GRIK2: variants seen among roughly 807,000 people sequenced by gnomAD.
GRIK2 encodes the protein glutamate ionotropic receptor kainate type subunit 2, also known as glutamate receptor ionotropic, kainate 2.
In GRIK2, 32 loss-of-function variants were observed where a neutral mutation model predicts 100.3. The ratio of observed to expected loss-of-function variants is 0.32; its 90% CI spans 0.24 to 0.43. The LOEUF (loss-of-function observed/expected upper bound fraction) is 0.43. GRIK2 is among the 20% of genes least tolerant of loss of function. The pLI is 1.00. For synonymous variants in GRIK2, 417 were observed against 389.4 expected (o/e 1.07, Z -0.83); for missense variants, 843 against 1,114.9 (o/e 0.76, Z 3.47).
Position 101,898,943 on chromosome 6 carries a change from C to T in GRIK2, c.1748+9080C>T, listed in dbSNP as rs550588171. Among the ~76,000 whole-genome samples the T allele has an allele frequency of 1.8e-3, 266 of 151,936 alleles. 1 individual carries two copies. Among genetic ancestry groups the T allele is most frequent in the South Asian group, 0.011 (55 of 4,818 alleles). On this transcript the variant is annotated intron_variant, in intron 12 of 16. Transcript: ENST00000369134. ...TGAGTAGGAGATATAGTGTCATCAA[C>T]CAGTGTAACTTCATTCATTAGAGCA...
chr6:101,971,651 T>G (rs539861223), intron 14 of GRIK2, among the ~76,000 whole-genome samples: 2 of 152,134 alleles, frequency 1.3e-5, no homozygotes, highest in East Asian at 1.9e-4. Flanking sequence ...TAGATACAAA[T>G]AGTTTTAATT....
intron 9 of GRIK2, among the ~76,000 whole-genome samples, chr6:101,817,679 T>G (rs1345510051): frequency 6.6e-6 from 1 of 152,220 alleles, no homozygotes; most frequent in African/African-American, 2.4e-5. Context: ...GAATACAAAA[T>G]GTCTAAACAC....
intron 7 of GRIK2, among the ~76,000 whole-genome samples, chr6:101,733,154 C>T (rs1775396664): frequency 6.6e-6 from 1 of 152,078 alleles, no homozygotes; most frequent in Non-Finnish European, 1.5e-5. Context: ...CACCCAAATA[C>T]CCAAAGTATT....
chr6:101,514,938 AC>A (rs1774508672), intron 2 of GRIK2, among the ~76,000 whole-genome samples: 1 of 151,992 alleles, frequency 6.6e-6, no homozygotes, highest in Non-Finnish European at 1.5e-5. Flanking sequence ...TACGGGAGGT[AC>A]TTGGTTACAT....
chr6:101,969,696 A>G (rs755458763), intron 14 of GRIK2, among the ~76,000 whole-genome samples: 1 of 152,060 alleles, frequency 6.6e-6, no homozygotes, highest in Non-Finnish European at 1.5e-5. Context: ...AATCCATCAC[A>G]TTAATCTTTG....
chr6:101,676,849 C>A, intron 5 of GRIK2, 45 bp downstream of exon 5: 5 of 1,102,062 alleles, frequency 4.5e-6, no homozygotes, highest in Non-Finnish European at 6.7e-6. Flanking sequence ...CATAAACTTG[C>A]ACTTACAATA....
chr6:101,808,234 T>G (rs1254091814), intron 9 of GRIK2, among the ~76,000 whole-genome samples: 1 of 152,032 alleles, frequency 6.6e-6, no homozygotes, highest in Admixed American at 6.6e-5. Flanking sequence ...TTGGAAGAGT[T>G]CCACACAAAA....
intron 14 of GRIK2, among the ~76,000 whole-genome samples, chr6:102,025,491 A>T (rs1350543693): frequency 6.6e-6 from 1 of 151,132 alleles, no homozygotes; most frequent in Non-Finnish European, 1.5e-5. Flanking sequence ...AATTCTCTGG[A>T]AAAAGGAATG....
At chr6:101,534,474 C>G (rs1488927102) in intron 2 of GRIK2, among the ~76,000 whole-genome samples, 2 of 151,730 alleles carry the variant, frequency 1.3e-5, no homozygotes, top group Non-Finnish European at 2.9e-5. Context: ...AAAGTCAGCC[C>G]AAATGATCTA....
intron 2 of GRIK2, among the ~76,000 whole-genome samples, chr6:101,547,485 A>G (rs913131096): frequency 2.0e-5 from 3 of 152,030 alleles, no homozygotes; most frequent in Non-Finnish European, 4.4e-5. Flanking sequence ...CTACCCCACA[A>G]CAGGACCCAG....
At position 101,570,192 on chromosome 6, in the gene GRIK2, G is replaced by T. The variant is rs1479426189; in HGVS notation, c.116-51757G>T. Among the ~76,000 whole-genome samples the T allele has an allele frequency of 2.6e-5, 4 of 152,006 alleles. No homozygotes were observed. In the South Asian group the frequency reaches 6.2e-4, roughly 24 times the overall value. On this transcript the variant is annotated intron_variant, in intron 2 of 16. Coordinates refer to ENST00000369134, the MANE Select transcript of GRIK2 (RefSeq NM_021956.5). ...CTTCCATGATCTCTATACAGTTTGG[G>T]AAAGATCATTTTACCGCTACAAAAT... is the stretch of plus-strand genomic sequence containing the variant.
intron 14 of GRIK2, among the ~76,000 whole-genome samples, chr6:102,011,601 TG>T (rs1795540287): frequency 8.4e-6 from 1 of 119,722 alleles, no homozygotes. Context: ...TTTTTTTTTT[TG>T]AGGCAGAGTC....
intron 10 of GRIK2, among the ~76,000 whole-genome samples, chr6:101,827,395 A>T (rs1420087324): frequency 2.0e-5 from 3 of 151,900 alleles, no homozygotes; most frequent in African/African-American, 7.2e-5. Flanking sequence ...TTATTAAAAA[A>T]CTTATTAGGG....
chr6:101,608,519 TGCTC>T (rs568438544), intron 2 of GRIK2, among the ~76,000 whole-genome samples: 163 of 152,018 alleles, frequency 1.1e-3, no homozygotes, highest in African/African-American at 3.8e-3. Context: ...CAAAATTGCT[TGCTC>T]AAAGATTATT....
intron 12 of GRIK2, among the ~76,000 whole-genome samples, chr6:101,899,059 G>C (rs1449992992): frequency 6.7e-6 from 1 of 148,754 alleles, no homozygotes; most frequent in Non-Finnish European, 1.5e-5. Flanking sequence ...ATCCTGTTGG[G>C]TATACATATA....
At chr6:101,891,574 T>C in intron 12 of GRIK2, 1 of 389,146 alleles carries the variant, frequency 2.6e-6, no homozygotes, top group South Asian at 1.9e-5. Context: ...ACACAGATAA[T>C]TTTTTACATA....
intron 12 of GRIK2, among the ~76,000 whole-genome samples, chr6:101,906,366 C>CTGTGTGTGTGTGTGTTTG (rs1554283803): frequency 6.9e-6 from 1 of 145,836 alleles, no homozygotes; most frequent in South Asian, 2.2e-4. Flanking sequence ...AAAACAAGAT[C>CTGTGTGTGTGTGTGTTTG]TGTGTGTGTG....
At chr6:101,465,997 C>A (rs920846084) in intron 2 of GRIK2, among the ~76,000 whole-genome samples, 9 of 152,110 alleles carry the variant, frequency 5.9e-5, no homozygotes, top group African/African-American at 2.2e-4. Context: ...ACAAGAACAA[C>A]AATCAATCAA....
At position 101,925,337 on chromosome 6, in the gene GRIK2, A is replaced by G. The variant is rs921135712; in HGVS notation, c.1867+618A>G. The stretch of plus-strand genomic sequence containing the variant: ...TAATATACATGTTAAAATTAAGGCT[A>G]TATCTTAGAAAATGAGATAATACAT... On this transcript the variant is annotated intron_variant, in intron 13 of 16. Coordinates refer to ENST00000369134, the MANE Select transcript of GRIK2 (RefSeq NM_021956.5). Among the ~76,000 whole-genome samples, 7 of 152,216 alleles carry G rather than the reference A, an allele frequency of 4.6e-5. 2 individuals are homozygous for G.
Sources: gnomAD v4.1 joint callset for allele counts (sites outside exome capture counted in the v4.1 genomes callset) on GRCh38, gnomAD v4.1.1 for gene constraint, MANE v1.5 for transcripts, NCBI Gene and HGNC (gene_info 2026-07-23, HGNC 2026-07-21) for gene names.